ZNF516: variants seen among roughly 807,000 people sequenced by gnomAD.
The protein encoded by ZNF516 is zinc finger protein 516.
In ZNF516, 19 loss-of-function variants were observed where a neutral mutation model predicts 79.7. The ratio of observed to expected loss-of-function variants is 0.24; its 90% CI spans 0.17 to 0.35. The LOEUF is 0.35. Ranked by LOEUF, ZNF516 falls within the 10% of genes least tolerant of loss-of-function variation. The pLI is 1.00. For missense variants in ZNF516, 1,678 were observed against 1,679.5 expected (o/e 1.00, Z 0.02); for synonymous variants, 877 against 739.5 (o/e 1.19, Z -3.02).
rs148610246 is a variant in ZNF516 at position 76,395,921 on chromosome 18, G to A, written c.1811-15618C>T. On this transcript the variant is annotated intron_variant, in intron 3 of 6. Coordinates refer to ENST00000443185, the MANE Select transcript of ZNF516 (RefSeq NM_014643.4). Reference sequence around the variant, plus strand: ...CCCACACCGCGAGCTTCACCGTCCGGAAGTGCGCAAAGCTGCAAGTGAAAG... The same window carrying A: ...CCCACACCGCGAGCTTCACCGTCCGAAAGTGCGCAAAGCTGCAAGTGAAAG... Among the ~76,000 whole-genome samples the A allele has an allele frequency of 5.6e-4, 85 of 152,286 alleles. 1 individual carries two copies. The East Asian group carries it at 0.013, about 23-fold the overall frequency.
chr18:76,410,875 A>G (rs2075365774), intron 3 of ZNF516, among the ~76,000 whole-genome samples: 1 of 152,176 alleles, frequency 6.6e-6, no homozygotes, highest in Non-Finnish European at 1.5e-5. Context: ...TAAACACATC[A>G]AAGAGCAAAC....
chr18:76,371,167 C>T (rs1215124145), intron 5 of ZNF516, among the ~76,000 whole-genome samples: 1 of 152,256 alleles, frequency 6.6e-6, no homozygotes, highest in Non-Finnish European at 1.5e-5. Context: ...GTGCTGGTGG[C>T]AATGCCATTC....
In ZNF516 at chr18:76,359,759, G is replaced by A. The variant is rs2074503966; in HGVS notation, c.*2739C>T. On this transcript the variant is annotated 3_prime_UTR_variant, in exon 7 of 7. Coordinates refer to ENST00000443185, the MANE Select transcript of ZNF516 (RefSeq NM_014643.4). ...GAAACAAGGAAACAGCAGATCGGGA[G>A]AGGTAGTAGAAAGTCTGTAACAGTC... 1 of 152,132 alleles carries A rather than the reference G, an allele frequency of 6.6e-6. No individual in the cohort carries two copies. Among genetic ancestry groups the A allele is most frequent in the African/African-American group, 2.4e-5 (1 of 41,408 alleles). 9.4% of individuals were successfully genotyped at this position (152,132 alleles called of 1,614,324 possible).
chr18:76,405,840 G>A (rs917116907), intron 3 of ZNF516, among the ~76,000 whole-genome samples: 2 of 152,026 alleles, frequency 1.3e-5, no homozygotes, highest in Non-Finnish European at 2.9e-5. Flanking sequence ...GGTCAAAGGC[G>A]ACTCACCTTC....
intron 3 of ZNF516, chr18:76,388,525 G>A (rs776094007): frequency 2.6e-5 from 4 of 152,076 alleles, no homozygotes; most frequent in Non-Finnish European, 5.9e-5. Context: ...GGTCTCAGAG[G>A]TTGCTGCAGT....
At chr18:76,413,002 C>T (rs2075390012) in intron 3 of ZNF516, among the ~76,000 whole-genome samples, 1 of 152,248 alleles carries the variant, frequency 6.6e-6, no homozygotes, top group Non-Finnish European at 1.5e-5. Flanking sequence ...CAGAGGCCCA[C>T]TTCTCCTTAG....
rs992458933 is a variant in ZNF516, at chr18:76,459,865, T to C, written c.-158+3163A>G. On this transcript the variant is annotated intron_variant, in intron 2 of 6. Coordinates refer to ENST00000443185, the MANE Select transcript of ZNF516 (RefSeq NM_014643.4). The surrounding 1 kb of genome is among the most constrained non-coding windows in gnomAD (Gnocchi z 5.0). ...GATCCGGCAGGCACAAGAAGGAACATACTGATGATAAGGAAACGCCGGGTG... is the reference window on the plus strand; with the variant it reads ...GATCCGGCAGGCACAAGAAGGAACACACTGATGATAAGGAAACGCCGGGTG... Among the ~76,000 whole-genome samples, 3 of 152,070 alleles carry C rather than the reference T, an allele frequency of 2.0e-5. No individual in the cohort carries two copies. Among genetic ancestry groups the C allele is most frequent in the African/African-American group, 7.2e-5 (3 of 41,416 alleles).
At chr18:76,465,411 A>G (rs1913401452) in intron 1 of ZNF516, among the ~76,000 whole-genome samples, 1 of 152,202 alleles carries the variant, frequency 6.6e-6, no homozygotes, top group Admixed American at 6.5e-5. Flanking sequence ...CTTTTTAAAA[A>G]TCTATTTCCT....
intron 3 of ZNF516, among the ~76,000 whole-genome samples, chr18:76,404,300 G>A (rs1346046165): frequency 1.3e-5 from 2 of 152,346 alleles, no homozygotes; most frequent in South Asian, 2.1e-4. Context: ...GATCCCACTC[G>A]CCCCACTCCA....
intron 3 of ZNF516, among the ~76,000 whole-genome samples, chr18:76,417,373 G>A (rs937890018): frequency 5.9e-5 from 9 of 152,198 alleles, no homozygotes; most frequent in Admixed American, 4.6e-4. Flanking sequence ...GGAATCTTGA[G>A]AAACTTTTAA....
chr18:76,478,023 G>A (rs964566170), intron 1 of ZNF516, among the ~76,000 whole-genome samples: 3 of 152,064 alleles, frequency 2.0e-5, no homozygotes, highest in Non-Finnish European at 2.9e-5. Context: ...GGAAAAGGAG[G>A]TTATCTTTCC....
At chr18:76,421,583 G>A (rs951135932) in intron 3 of ZNF516, among the ~76,000 whole-genome samples, 1 of 152,222 alleles carries the variant, frequency 6.6e-6, no homozygotes, top group Non-Finnish European at 1.5e-5. Flanking sequence ...TTTGCTTGAA[G>A]GGGAAATGGG....
chr18:76,403,420 T>C (rs2075258329), intron 3 of ZNF516, among the ~76,000 whole-genome samples: 1 of 152,178 alleles, frequency 6.6e-6, no homozygotes, highest in Non-Finnish European at 1.5e-5. Flanking sequence ...CAACTGTACA[T>C]GCACAGCCAC....
intron 3 of ZNF516, among the ~76,000 whole-genome samples, chr18:76,382,697 G>A (rs2074913116): frequency 1.3e-5 from 2 of 152,146 alleles, no homozygotes; most frequent in African/African-American, 4.8e-5. Flanking sequence ...GATCACTTGG[G>A]GCCAGGAGTT....
intron 3 of ZNF516, among the ~76,000 whole-genome samples, chr18:76,427,855 C>T (rs1163378698): frequency 6.6e-6 from 1 of 152,104 alleles, no homozygotes; most frequent in Non-Finnish European, 1.5e-5. Flanking sequence ...CATGAAAACA[C>T]TCTTATGCTC....
In ZNF516 at chr18:76,357,784, A is replaced by G. The variant is rs2074477502; in HGVS notation, c.*4714T>C. On this transcript the variant is annotated 3_prime_UTR_variant, in exon 7 of 7. Transcript: ENST00000443185. Reference sequence around the variant, plus strand: ...CCACAGTGCCAGCCCTTGTGTCCCCACATTTTTGACACAATAATTTCCTCC... The same window carrying G: ...CCACAGTGCCAGCCCTTGTGTCCCCGCATTTTTGACACAATAATTTCCTCC... Among the ~76,000 whole-genome samples, 1 of 152,192 alleles carries G rather than the reference A, an allele frequency of 6.6e-6. No homozygotes were observed. The highest frequency in any genetic ancestry group is 1.5e-5 in the Non-Finnish European group (1 of 68,050).
At chr18:76,391,877 G>GA in intron 3 of ZNF516, among the ~76,000 whole-genome samples, 1 of 152,252 alleles carries the variant, frequency 6.6e-6, no homozygotes, top group Non-Finnish European at 1.5e-5. Context: ...CCATCAGACA[G>GA]AGACAGGCAG....
At chr18:76,458,137 C>T (rs1206559398) in intron 2 of ZNF516, among the ~76,000 whole-genome samples, 1 of 152,170 alleles carries the variant, frequency 6.6e-6, no homozygotes, top group African/African-American at 2.4e-5. Context: ...GGTAGGTCCT[C>T]AGTTAACATC....
At chr18:76,427,092 A>C (rs773054253) in intron 3 of ZNF516, among the ~76,000 whole-genome samples, 5 of 152,222 alleles carry the variant, frequency 3.3e-5, no homozygotes, top group Non-Finnish European at 7.3e-5. Context: ...AACGGGCACA[A>C]TGCCGGGAAC....
Sources: gnomAD v4.1 joint callset for allele counts (sites outside exome capture counted in the v4.1 genomes callset) on GRCh38, gnomAD v4.1.1 for gene constraint, Gnocchi (gnomAD v3.1) non-coding constraint, MANE v1.5 for transcripts, NCBI Gene and HGNC (gene_info 2026-07-23, HGNC 2026-07-21) for gene names.